The following HADHB variants were observed in gnomAD, a reference collection of about 807,000 sequenced individuals.
HADHB encodes trifunctional enzyme subunit beta, mitochondrial.
In HADHB, 50 loss-of-function variants were observed where a neutral mutation model predicts 61.9. The observed-to-expected ratio is 0.81, with a 90% CI of 0.64 to 1.02. HADHB has a LOEUF of 1.02. Ranked by LOEUF, HADHB falls within the 50% of genes least tolerant of loss-of-function variation. The pLI is 0.00. For synonymous variants in HADHB, 191 were observed against 201.6 expected, an observed-to-expected ratio of 0.95 and a Z score of 0.45; for missense variants, 504 against 586.5, an observed-to-expected ratio of 0.86 and a Z score of 1.45.
At chr2:26,262,437 G>C (rs1165767597) in intron 3 of HADHB, among the ~76,000 whole-genome samples, 1 of 152,112 alleles carries the variant, frequency 6.6e-6, no homozygotes, top group Non-Finnish European at 1.5e-5. Context: ...CAAATAAACA[G>C]ACTTTACCTC....
rs747813427 is a variant in HADHB, at chr2:26,260,906, C to T, written c.110-2474C>T. On this transcript the variant is annotated intron_variant, in intron 3 of 15. Coordinates refer to ENST00000317799, the MANE Select transcript of HADHB (RefSeq NM_000183.3). ...TGGCTTACGAATGACATCAGTTTAC[C>T]ATCAACCTGTTCTTCCTCATGGCAT... 3.1e-5 allele frequency: 22 copies of T among 709,564 alleles called. No individual in the cohort carries two copies. The Admixed American group carries it at 4.7e-4, about 15-fold the overall frequency. The allele number at this position is 709,564 out of a possible 1,614,324, so 44.0% of individuals were successfully genotyped here. A position where few individuals can be genotyped will look rare whatever the true frequency, so the allele number is the denominator to read the frequency against.
chr2:26,279,321 A>G lies in HADHB; in HGVS notation c.811+6A>G. 1 of 1,592,620 alleles carries G rather than the reference A, an allele frequency of 6.3e-7. No individual in the cohort carries two copies. Among genetic ancestry groups the G allele is most frequent in the Non-Finnish European group, 8.6e-7 (1 of 1,160,454 alleles). ...GGTACCCTTCAAAGTACCAGGTGAAATGAAATGCTTCATGACACTTATTAG... is the reference window on the plus strand; with the variant it reads ...GGTACCCTTCAAAGTACCAGGTGAAGTGAAATGCTTCATGACACTTATTAG... On this transcript the variant is annotated splice_donor_region_variant and intron_variant, in intron 9 of 15. Transcript: ENST00000317799.
rs67626722 is a variant in HADHB, at chr2:26,282,251, C to CTTT, written c.934-575_934-573dup. On this transcript the variant is annotated intron_variant, in intron 10 of 15. Transcript: ENST00000317799. ...TAGTGTTTATTATGAGCAGTTCTTTCTTTTTTTTTTTTTTTTTTTTTGAGA... is the reference window on the plus strand; with the variant it reads ...TAGTGTTTATTATGAGCAGTTCTTTCTTTTTTTTTTTTTTTTTTTTTTTTGAGA... 2.4e-3 allele frequency among the ~76,000 whole-genome samples: 252 copies of CTTT among 106,768 alleles called. 2 individuals are homozygous for CTTT. Among genetic ancestry groups the CTTT allele is most frequent in the South Asian group, 5.1e-3 (16 of 3,152 alleles). The allele number at this position is 106,768 out of a possible 152,430, so 70.0% of individuals were successfully genotyped here.
intron 6 of HADHB, among the ~76,000 whole-genome samples, chr2:26,274,410 C>T (rs1034840484): frequency 6.6e-6 from 1 of 152,204 alleles, no homozygotes; most frequent in African/African-American, 2.4e-5. Context: ...TTTCATTGTA[C>T]TCAGTATTTT....
chr2:26,285,267 T>A lies in HADHB; in HGVS notation c.1225-140T>A, dbSNP rs1023631658. The stretch of plus-strand genomic sequence containing the variant: ...TTTTAATATTGACCTAGACTTACTT[T>A]CTTTTGCAGTAAAATTATTTGTAAT... On this transcript the variant is annotated intron_variant, in intron 14 of 15. Transcript: ENST00000317799. The A allele has an allele frequency of 5.0e-5, 36 of 720,886 alleles. No individual in the cohort carries two copies. The East Asian group carries it at 9.5e-4, about 19-fold the overall frequency. 44.7% of individuals were successfully genotyped at this position (720,886 alleles called of 1,614,324 possible).
At chr2:26,286,811 TTG>T (rs1491056974) in intron 15 of HADHB, among the ~76,000 whole-genome samples, 3,879 of 145,256 alleles carry the variant, frequency 0.027, 155 homozygotes, top group African/African-American at 0.093. Flanking sequence ...TGGCCTGTTT[TTG>T]TTTTTTTTTT....
intron 15 of HADHB, 104 bp downstream of exon 15, chr2:26,285,675 A>C: frequency 1.5e-6 from 1 of 671,456 alleles, no homozygotes; most frequent in East Asian, 4.3e-5. Flanking sequence ...ATTTTTGATG[A>C]CCTGGGGGTG....
At position 26,263,402 on chromosome 2, in the gene HADHB, G is replaced by C; in HGVS notation, c.132G>C (p.Lys44Asn). 1.2e-6 allele frequency: 2 copies of C among 1,611,814 alleles called. No individual in the cohort carries two copies. Among genetic ancestry groups the C allele is most frequent in the Non-Finnish European group, 1.7e-6 (2 of 1,178,116 alleles). Residue 44 changes from lysine (K) to asparagine (N), a missense_variant, in exon 4 of 16, where the codon AAG becomes AAC. Transcript: ENST00000317799. Reference sequence around the variant, plus strand: ...AAGCTGTCCAGACCAAAACGAAGAAGACGTTAGCCAAACCCAATATAAGGA... The same window carrying C: ...AAGCTGTCCAGACCAAAACGAAGAACACGTTAGCCAAACCCAATATAAGGA... ...AAPAVQTKTK[K>N]TLAKPNIRNV...
intron 7 of HADHB, among the ~76,000 whole-genome samples, chr2:26,277,728 C>G (rs918733240): frequency 6.6e-6 from 1 of 152,114 alleles, no homozygotes; most frequent in African/African-American, 2.4e-5. Context: ...CAGGGATTAT[C>G]AACTGGAGGA....
intron 4 of HADHB, among the ~76,000 whole-genome samples, chr2:26,267,386 A>T (rs2147813874): frequency 6.6e-6 from 1 of 152,298 alleles, no homozygotes; most frequent in African/African-American, 2.4e-5. Flanking sequence ...CACAGGTCTG[A>T]CCTGCAGGAG....
chr2:26,256,733 A>G (rs978586335), intron 3 of HADHB, among the ~76,000 whole-genome samples: 8 of 152,200 alleles, frequency 5.3e-5, no homozygotes, highest in Non-Finnish European at 8.8e-5. Flanking sequence ...ATCGTGGCAG[A>G]GTAGGCCTAC....
At chr2:26,272,315 G>A (rs899679535) in intron 5 of HADHB, among the ~76,000 whole-genome samples, 6 of 150,362 alleles carry the variant, frequency 4.0e-5, no homozygotes, top group Admixed American at 2.6e-4. Context: ...TATATACCCC[G>A]TGTTCCTGTT....
chr2:26,248,447 C>A (rs987912844), intron 1 of HADHB, among the ~76,000 whole-genome samples: 12 of 151,910 alleles, frequency 7.9e-5, no homozygotes, highest in African/African-American at 2.9e-4. Flanking sequence ...GTGGCGTAAG[C>A]CACCACCCCT....
At chr2:26,282,256 T>C (rs945927037) in intron 10 of HADHB, among the ~76,000 whole-genome samples, 15 of 145,838 alleles carry the variant, frequency 1.0e-4, no homozygotes, top group South Asian at 6.7e-4. Flanking sequence ...TCTTTCTTTT[T>C]TTTTTTTTTT....
At position 26,254,468 on chromosome 2, in the gene HADHB, GCC is replaced by G; in HGVS notation, c.106_107del (p.Pro36SerfsTer36). The G allele has an allele frequency of 6.3e-7, 1 of 1,575,338 alleles. No individual in the cohort carries two copies. Among genetic ancestry groups the G allele is most frequent in the Non-Finnish European group, 8.7e-7 (1 of 1,144,654 alleles). On this transcript the variant is annotated frameshift_variant, in exon 3 of 16. Transcript: ENST00000317799. LOFTEE classifies it high-confidence loss of function. Reference protein sequence around the residue: ...PLSCSSQLRAAPAVQTKTKKT... With the variant: ...PLSCSSQLRAXPAVQTKTKKT... ...GAGCTGTTCCTCCCAGCTACGAGCTGCCCCAGGTACAGTAATTTGTAAAATAA... is the reference window on the plus strand; with the variant it reads ...GAGCTGTTCCTCCCAGCTACGAGCTGCCAGGTACAGTAATTTGTAAAATAA...
chr2:26,276,276 G>A (rs974370436), intron 6 of HADHB, among the ~76,000 whole-genome samples: 9 of 152,082 alleles, frequency 5.9e-5, no homozygotes, highest in East Asian at 1.9e-4. Context: ...TCTTAAAGCC[G>A]CTCAGATGAC....
At chr2:26,262,198 G>A (rs1039157035) in intron 3 of HADHB, among the ~76,000 whole-genome samples, 1 of 152,138 alleles carries the variant, frequency 6.6e-6, no homozygotes, top group Non-Finnish European at 1.5e-5. Context: ...TAAGGTCGTT[G>A]TTGACATTGT....
In HADHB at chr2:26,289,981, TC is replaced by T. The variant is rs746967307; in HGVS notation, c.*29del. The stretch of plus-strand genomic sequence containing the variant: ...GATCCAGAAGAAGTGACCTGAAGTT[TC>T]TGTGCAACACTCACACTAGGCAATG... On this transcript the variant is annotated 3_prime_UTR_variant, in exon 16 of 16. Transcript: ENST00000317799. 1.3e-6 allele frequency: 2 copies of T among 1,502,954 alleles called. No individual in the cohort carries two copies. Among genetic ancestry groups the T allele is most frequent in the Non-Finnish European group, 1.9e-6 (2 of 1,078,764 alleles). 93.1% of individuals were successfully genotyped at this position (1,502,954 alleles called of 1,614,324 possible).
chr2:26,252,503 C>T (rs1423559322), intron 1 of HADHB, among the ~76,000 whole-genome samples: 1 of 152,182 alleles, frequency 6.6e-6, no homozygotes, highest in Non-Finnish European at 1.5e-5. Flanking sequence ...TTATTTTTAA[C>T]ATCTTTATTA....
Sources: gnomAD v4.1 joint callset for allele counts (sites outside exome capture counted in the v4.1 genomes callset) on GRCh38, gnomAD v4.1.1 for gene constraint, MANE v1.5 for transcripts, NCBI Gene and HGNC (gene_info 2026-07-23, HGNC 2026-07-21) for gene names.